ANK2: variants seen among roughly 807,000 people sequenced by gnomAD.
ANK2 encodes the protein ankyrin-2.
ANK2 carries 83 observed loss-of-function variants against 360.5 expected under a neutral mutation model. The ratio of observed to expected loss-of-function variants is 0.23; its 90% CI spans 0.19 to 0.28. The LOEUF (loss-of-function observed/expected upper bound fraction) is 0.28. Ranked by LOEUF, ANK2 falls within the 10% of genes least tolerant of loss-of-function variation. The pLI is 1.00. For synonymous variants in ANK2, 1,740 were observed against 1,759.5 expected (o/e 0.99, Z 0.28); for missense variants, 4,201 against 4,795.7 (o/e 0.88, Z 3.66).
intron 2 of ANK2, among the ~76,000 whole-genome samples, chr4:112,931,535 C>T (rs765199997): frequency 2.1e-5 from 3 of 141,662 alleles, no homozygotes; most frequent in Non-Finnish European, 4.5e-5. Flanking sequence ...CTCCTGGGTT[C>T]AAGCAATTCT....
Position 113,292,487 on chromosome 4 carries a change from T to G in ANK2, c.2349T>G (p.His783Gln). The G allele has an allele frequency of 6.2e-7, 1 of 1,611,542 alleles. No individual in the cohort carries two copies. Among genetic ancestry groups the G allele is most frequent in the South Asian group, 1.1e-5 (1 of 90,448 alleles). Residue 783 changes from histidine to glutamine, a missense_variant, in exon 21 of 46, where the codon CAT (histidine) becomes CAG (glutamine). By Grantham distance (24) the His-to-Gln change is conservative. Coordinates refer to ENST00000357077, the MANE Select transcript of ANK2 (RefSeq NM_001148.6). ...HTHIINVLLQHGAKPNATTAN... is the reference protein window; with the variant it reads ...HTHIINVLLQQGAKPNATTAN... ...ACATCATCAACGTCCTGCTCCAGCATGGGGCCAAGCCCAACGCCACCACTG... is the reference window on the plus strand; with the variant it reads ...ACATCATCAACGTCCTGCTCCAGCAGGGGGCCAAGCCCAACGCCACCACTG...
chr4:112,824,299 C>T (rs2057900822), intron 1 of ANK2, among the ~76,000 whole-genome samples: 1 of 151,930 alleles, frequency 6.6e-6, no homozygotes, highest in African/African-American at 2.4e-5. Context: ...CCAGCCTCAG[C>T]CTCCCAGGTA....
intron 8 of ANK2, among the ~76,000 whole-genome samples, chr4:113,241,775 C>T (rs2040075194): frequency 6.6e-6 from 1 of 152,198 alleles, no homozygotes; most frequent in Non-Finnish European, 1.5e-5. Flanking sequence ...AAAGACTTTA[C>T]ACTAGGGCCC....
rs529835894 is a variant in ANK2 at position 113,164,078 on chromosome 4, T to A, written c.85-10338T>A. Among the ~76,000 whole-genome samples the A allele has an allele frequency of 4.6e-5, 7 of 152,180 alleles. 1 individual carries two copies. The highest frequency in any genetic ancestry group is 1.7e-4 in the African/African-American group (7 of 41,510). ...GTCTATTCTGGACATTTCTTTTATA[T>A]CAACAATAAGCTTAAATAACAGTTT... On this transcript the variant is annotated intron_variant, in intron 1 of 45. Transcript: ENST00000357077.
At chr4:113,008,109 CT>C (rs57567947) in intron 2 of ANK2, among the ~76,000 whole-genome samples, 3,942 of 143,856 alleles carry the variant, frequency 0.027, 108 homozygotes, top group African/African-American at 0.074. Flanking sequence ...TAAGCTTTTC[CT>C]TTTTTTTTTT....
At chr4:112,898,184 G>T (rs2082268280) in intron 1 of ANK2, among the ~76,000 whole-genome samples, 2 of 151,892 alleles carry the variant, frequency 1.3e-5, no homozygotes, top group Admixed American at 1.3e-4. Flanking sequence ...CATATTTATT[G>T]CAATTAATAA....
chr4:112,827,817 A>C (rs2058726789), intron 1 of ANK2, among the ~76,000 whole-genome samples: 1 of 152,246 alleles, frequency 6.6e-6, no homozygotes, highest in Admixed American at 6.5e-5. Context: ...ATTCAACACT[A>C]TTCCTATCTA....
intron 1 of ANK2, among the ~76,000 whole-genome samples, chr4:113,100,219 A>G (rs2154359258): frequency 6.6e-6 from 1 of 152,232 alleles, no homozygotes; most frequent in Admixed American, 6.5e-5. Flanking sequence ...AATCTTTGCA[A>G]AACACATATC....
At chr4:113,231,808 T>C (rs939477308) in intron 4 of ANK2, among the ~76,000 whole-genome samples, 1 of 151,758 alleles carries the variant, frequency 6.6e-6, no homozygotes, top group Non-Finnish European at 1.5e-5. Context: ...TTCACCATTG[T>C]CCAGGCAGGT....
chr4:113,130,223 C>T (rs754349749), intron 1 of ANK2, among the ~76,000 whole-genome samples: 4 of 152,138 alleles, frequency 2.6e-5, no homozygotes, highest in Non-Finnish European at 5.9e-5. Flanking sequence ...AGATAGAACC[C>T]TACACCTAAC....
intron 1 of ANK2, among the ~76,000 whole-genome samples, chr4:112,822,373 G>A (rs1304289804): frequency 3.4e-5 from 5 of 149,240 alleles, no homozygotes; most frequent in African/African-American, 1.2e-4. Context: ...AGCCAAGATC[G>A]TGCCACTGCA....
intron 4 of ANK2, among the ~76,000 whole-genome samples, chr4:113,204,295 A>T (rs545915533): frequency 2.0e-5 from 3 of 152,336 alleles, no homozygotes; most frequent in East Asian, 3.9e-4. Flanking sequence ...ATCCTAGACT[A>T]GACACCATCA....
At chr4:113,292,115 C>A (rs561137438) in intron 20 of ANK2, among the ~76,000 whole-genome samples, 1 of 152,284 alleles carries the variant, frequency 6.6e-6, no homozygotes, top group South Asian at 2.1e-4. Context: ...ACTGCACCCA[C>A]CCCCTTCACC....
chr4:113,353,666 C>A lies in ANK2; in HGVS notation c.5048C>A (p.Pro1683His). ...TCTGAAAAGGAAGGGAAAGACATAC[C>A]CCCAGATGAGACACAGAGTACACAG... The part of the protein sequence containing the change: ...RSSEKEGKDI[P>H]PDETQSTQKQ... The change falls in exon 38 of 46, where the codon CCC (proline) becomes CAC (histidine). Residue 1683 changes from proline to histidine, a missense_variant. By Grantham distance (77) the Pro-to-His change is moderately conservative. Coordinates refer to ENST00000357077, the MANE Select transcript of ANK2 (RefSeq NM_001148.6). The A allele has an allele frequency of 3.1e-6, 5 of 1,613,880 alleles. No individual in the cohort carries two copies. The highest frequency in any genetic ancestry group is 4.2e-6 in the Non-Finnish European group (5 of 1,179,958).
At chr4:113,101,136 A>G (rs11943832) in intron 1 of ANK2, among the ~76,000 whole-genome samples, 73,551 of 151,934 alleles carry the variant, frequency 0.48, 18,824 homozygotes, top group African/African-American at 0.64. Context: ...GATGCAAATT[A>G]TAGACCTTAA....
the ANK2 span, among the ~76,000 whole-genome samples, chr4:112,713,912 C>G: frequency 2.1e-5 from 3 of 139,616 alleles, no homozygotes; most frequent in African/African-American, 8.2e-5. Flanking sequence ...CCAGCCTGGG[C>G]GACAGAGCGA....
chr4:112,968,195 G>C (rs2038074247), intron 2 of ANK2, among the ~76,000 whole-genome samples: 2 of 152,186 alleles, frequency 1.3e-5, no homozygotes, highest in African/African-American at 4.8e-5. Context: ...ACTGAGATCT[G>C]TATTACTTAC....
chr4:112,990,893 C>T (rs11737216), intron 2 of ANK2, among the ~76,000 whole-genome samples: 12,659 of 152,198 alleles, frequency 0.083, 569 homozygotes, highest in East Asian at 0.091. Context: ...AGGAAGACCA[C>T]CTAACAAACT....
At position 113,208,155 on chromosome 4, in the gene ANK2, C is replaced by A. The variant is rs566231246; in HGVS notation, c.384+9046C>A. ...AGCTGGCTTGGGGGTGGAACAAGCT[C>A]AGGATTCTGTTTTGGATTCTGAAAA... On this transcript the variant is annotated intron_variant, in intron 4 of 45. Coordinates refer to ENST00000357077, the MANE Select transcript of ANK2 (RefSeq NM_001148.6). Among the ~76,000 whole-genome samples the A allele has an allele frequency of 1.1e-4, 17 of 151,666 alleles. No homozygotes were observed. The South Asian group carries it at 3.3e-3, about 30-fold the overall frequency.
Sources: allele counts gnomAD v4.1 joint callset (sites outside exome capture counted in the v4.1 genomes callset), GRCh38; gene constraint gnomAD v4.1.1; transcripts MANE v1.5; gene names NCBI Gene and HGNC (gene_info 2026-07-23, HGNC 2026-07-21).